PIGG: variants seen among roughly 807,000 people sequenced by gnomAD.
PIGG encodes the protein phosphatidylinositol glycan anchor biosynthesis class G (EMM blood group), also known as GPI ethanolamine phosphate transferase 2, catalytic subunit.
Under a neutral mutation model 83.2 loss-of-function variants are expected in PIGG, and 70 were observed. The ratio of observed to expected loss-of-function variants is 0.84; its 90% CI spans 0.69 to 1.03. The LOEUF is 1.03. Ranked by LOEUF, PIGG falls within the 50% of genes least tolerant of loss-of-function variation. The probability of loss-of-function intolerance (pLI) is 0.00; values close to 1 mark genes in which losing one functional copy is unlikely to be tolerated. For synonymous variants in PIGG, 532 were observed against 519.5 expected (o/e 1.02, Z -0.33); for missense variants, 1,257 against 1,233.6 (o/e 1.02, Z -0.28).
chr4:499,811 A>C, intron 1 of PIGG: 3 of 1,042,348 alleles, frequency 2.9e-6, no homozygotes, highest in South Asian at 2.9e-5. Flanking sequence ...CCTTTGGGTC[A>C]CTCCCCGTTA....
At chr4:538,070 C>T (rs573981638) in intron 12 of PIGG, among the ~76,000 whole-genome samples, 10 of 151,096 alleles carry the variant, frequency 6.6e-5, no homozygotes, top group South Asian at 2.1e-4. Flanking sequence ...CCCACACACA[C>T]GTGCTGACAG....
At chr4:505,085 G>T (rs1363960870) in intron 2 of PIGG, among the ~76,000 whole-genome samples, 3 of 152,148 alleles carry the variant, frequency 2.0e-5, no homozygotes, top group Non-Finnish European at 4.4e-5. Flanking sequence ...ACCTGGCAGA[G>T]GCTTTGAATA....
chr4:499,955 T>C (rs1553874642), intron 1 of PIGG: 1 of 221,554 alleles, frequency 4.5e-6, no homozygotes, highest in African/African-American at 2.3e-5. Context: ...GGCCTCTTCC[T>C]AGGCTTCACC....
rs61749092 is a variant in PIGG at position 523,811 on chromosome 4, C to T, written c.1967C>T (p.Ala656Val). The T allele has an allele frequency of 3.4e-3, 5,406 of 1,613,190 alleles. 99 individuals carry two copies. The African/African-American group carries it at 0.047, about 14-fold the overall frequency. ...GGCCGCGAGAAGTGGATGGTGCTGG[C>T]CAGTCCGTGGCTAATACTGGCCTGC... ...LRGREKWMVL[A>V]SPWLILACCR... Residue 656 changes from alanine (A) to valine (V), a missense_variant, in exon 9 of 13, where the codon GCC becomes GTC. Coordinates refer to ENST00000453061, the MANE Select transcript of PIGG (RefSeq NM_001127178.3).
chr4:534,137 C>T (rs762744244), intron 12 of PIGG, among the ~76,000 whole-genome samples, 156 bp downstream of exon 12: 7 of 152,236 alleles, frequency 4.6e-5, no homozygotes, highest in Non-Finnish European at 1.0e-4. Context: ...GTCCAAAGCT[C>T]AAGGGCCAGA....
chr4:499,360 G>T lies in PIGG; in HGVS notation c.25G>T (p.Ala9Ser). 6.2e-7 allele frequency: 1 copy of T among 1,609,446 alleles called. No individual in the cohort carries two copies. Residue 9 changes from alanine (A) to serine (S), a missense_variant, in exon 1 of 13, where the codon GCT (alanine) becomes TCT (serine). Coordinates refer to ENST00000453061, the MANE Select transcript of PIGG (RefSeq NM_001127178.3). MRLGSGTF[A>S]TCCVAIEVLG... ...GATGCGGCTGGGCTCCGGGACTTTCGCTACCTGTTGCGTAGCGATCGAGGT... is the reference window on the plus strand; with the variant it reads ...GATGCGGCTGGGCTCCGGGACTTTCTCTACCTGTTGCGTAGCGATCGAGGT...
chr4:504,228 C>G (rs1283112105), intron 2 of PIGG, among the ~76,000 whole-genome samples: 1 of 152,190 alleles, frequency 6.6e-6, no homozygotes, highest in Non-Finnish European at 1.5e-5. Flanking sequence ...TATCTTTAAG[C>G]CTGTCTTCCT....
chr4:499,742 C>CTTT, intron 1 of PIGG: 2 of 1,343,576 alleles, frequency 1.5e-6, no homozygotes, highest in Non-Finnish European at 1.9e-6. Context: ...TGTGTCCATA[C>CTTT]CTGGGATCCA....
At position 500,464 on chromosome 4, in the gene PIGG, G is replaced by A; in HGVS notation, c.223G>A (p.Ala75Thr). The change falls in exon 2 of 13, where the codon GCC becomes ACC. Residue 75 changes from alanine to threonine, a missense_variant. Transcript: ENST00000453061. ...TAAAGTTGTTATTGTTCTGATAGAT[G>A]CCTTGAGAGATGATTTTGTGTTTGG... ...FSKVVIVLID[A>T]LRDDFVFGSK... 1 of 1,613,716 alleles carries A rather than the reference G, an allele frequency of 6.2e-7. No homozygotes were observed. Among genetic ancestry groups the A allele is most frequent in the Non-Finnish European group, 8.5e-7 (1 of 1,179,700 alleles).
intron 10 of PIGG, chr4:527,476 A>G (rs1305020854): frequency 1.3e-5 from 16 of 1,266,774 alleles, no homozygotes; most frequent in Non-Finnish European, 1.6e-5. Context: ...TTAGGAGACA[A>G]ATCACTTGGA....
In PIGG at chr4:500,504, A is replaced by T; in HGVS notation, c.263A>T (p.Lys88Ile). The T allele has an allele frequency of 6.2e-7, 1 of 1,613,432 alleles. No homozygotes were observed. The highest frequency in any genetic ancestry group is 8.5e-7 in the Non-Finnish European group (1 of 1,179,478). The change falls in exon 2 of 13, where the codon AAA (lysine) becomes ATA (isoleucine). Residue 88 changes from lysine to isoleucine, a missense_variant. Physicochemically the swap from Lys to Ile is moderately radical, Grantham distance 102. Transcript: ENST00000453061. Reference protein sequence around the residue: ...DDFVFGSKGVKFMPYTTYLVE... With the variant: ...DDFVFGSKGVIFMPYTTYLVE... ...TTTGTGTTTGGGTCAAAGGGTGTGA[A>T]ATTTATGCCCTACACAACTTACCTT...
Position 528,256 on chromosome 4 carries a change from C to T in PIGG, c.2261+1026C>T. ...TTTTTTTTCATACTTATATGAAAGA[C>T]TACATACTTAAAATACTGGTGATTA... On this transcript the variant is annotated intron_variant, in intron 10 of 12. Transcript: ENST00000453061. The surrounding 1 kb of genome is among the most constrained non-coding windows in gnomAD (Gnocchi z 4.8). 1.0e-6 allele frequency: 1 copy of T among 982,166 alleles called. No homozygotes were observed. Among genetic ancestry groups the T allele is most frequent in the Non-Finnish European group, 1.2e-6 (1 of 827,094 alleles). The allele number at this position is 982,166 out of a possible 1,614,324, so 60.8% of individuals were successfully genotyped here.
At position 528,742 on chromosome 4, in the gene PIGG, A is replaced by G. The variant is rs1728324395; in HGVS notation, c.2261+1512A>G. On this transcript the variant is annotated intron_variant, in intron 10 of 12. Transcript: ENST00000453061. This position sits in a 1 kb window ranked among gnomAD's most constrained non-coding sequence, Gnocchi z 4.8. ...ACAGATCTATACACTGAATTTCAGC[A>G]TCACTCATCTCAAGACCTTGGCCCT... 1 of 984,866 alleles carries G rather than the reference A, an allele frequency of 1.0e-6. No homozygotes were observed. The highest frequency in any genetic ancestry group is 1.2e-6 in the Non-Finnish European group (1 of 829,546). The allele number at this position is 984,866 out of a possible 1,614,324, so 61.0% of individuals were successfully genotyped here.
In PIGG at chr4:527,143, C is replaced by G. The variant is rs1471613469; in HGVS notation, c.2174C>G (p.Ala725Gly). 2 of 1,614,070 alleles carry G rather than the reference C, an allele frequency of 1.2e-6. No individual in the cohort carries two copies. Among genetic ancestry groups the G allele is most frequent in the Non-Finnish European group, 1.7e-6 (2 of 1,180,008 alleles). Residue 725 changes from alanine (A) to glycine (G), a missense_variant, in exon 10 of 13, where the codon GCG becomes GGG. Physicochemically the swap from Ala to Gly is moderately conservative, Grantham distance 60. Coordinates refer to ENST00000453061, the MANE Select transcript of PIGG (RefSeq NM_001127178.3). The part of the protein sequence containing the change: ...GCSPVSKAAL[A>G]LGLLGVYCYR... ...TCCCCTGTGTCCAAGGCTGCCCTGG[C>G]GCTGGGGCTGCTGGGCGTCTACTGC...
At chr4:526,623 C>A (rs896816957) in intron 9 of PIGG, among the ~76,000 whole-genome samples, 3 of 151,938 alleles carry the variant, frequency 2.0e-5, no homozygotes, top group African/African-American at 7.3e-5. Flanking sequence ...AACAAGAGGA[C>A]GGTTTCTATT....
At chr4:530,925 C>T in intron 11 of PIGG, 180 bp downstream of exon 11, 1 of 581,988 alleles carries the variant, frequency 1.7e-6, no homozygotes, top group Non-Finnish European at 3.0e-6. Context: ...AGACACGCGT[C>T]CCAGGTGTGG....
Position 507,419 on chromosome 4 carries a change from C to A in PIGG, c.585C>A (p.Val195=). 1 of 1,611,262 alleles carries A rather than the reference C, an allele frequency of 6.2e-7. No individual in the cohort carries two copies. The highest frequency in any genetic ancestry group is 8.5e-7 in the Non-Finnish European group (1 of 1,177,982). Residue 195 remains valine, a synonymous_variant, in exon 4 of 13, where the codon GTC becomes GTA. Transcript: ENST00000453061. The stretch of plus-strand genomic sequence containing the variant: ...CCCCTTCAAAGGTGGATAATAATGT[C>A]ACGAGGCATTTGGATAAAGTATTAA... The part of the protein sequence containing the change: ...VSDYTEVDNN[V]TRHLDKVLKR...
chr4:523,754 A>T lies in PIGG; in HGVS notation c.1910A>T (p.His637Leu), dbSNP rs771825290. 6.2e-7 allele frequency: 1 copy of T among 1,613,976 alleles called. No homozygotes were observed. Among genetic ancestry groups the T allele is most frequent in the Non-Finnish European group, 8.5e-7 (1 of 1,180,050 alleles). The change falls in exon 9 of 13, where the codon CAC (histidine) becomes CTC (leucine). Residue 637 changes from histidine to leucine, a missense_variant. Physicochemically the swap from His to Leu is moderately conservative, Grantham distance 99. Coordinates refer to ENST00000453061, the MANE Select transcript of PIGG (RefSeq NM_001127178.3). ...GCDVLERDKGHGSPSTSEVLR... is the reference protein window; with the variant it reads ...GCDVLERDKGLGSPSTSEVLR... The stretch of plus-strand genomic sequence containing the variant: ...GATGTCCTGGAGCGAGACAAAGGCC[A>T]CGGAAGCCCCTCTACCTCCGAAGTG...
intron 8 of PIGG, chr4:522,772 C>G (rs1381607095): frequency 6.5e-6 from 1 of 153,596 alleles, no homozygotes; most frequent in Non-Finnish European, 1.4e-5. Context: ...CTCTCTCCTG[C>G]TATTGAATTA....
Sources: gnomAD v4.1 joint callset for allele counts (sites outside exome capture counted in the v4.1 genomes callset) on GRCh38, gnomAD v4.1.1 for gene constraint, Gnocchi (gnomAD v3.1) non-coding constraint, MANE v1.5 for transcripts, NCBI Gene and HGNC (gene_info 2026-07-23, HGNC 2026-07-21) for gene names.